RPS6KA2: variants seen among roughly 807,000 people sequenced by gnomAD.
RPS6KA2 encodes the protein ribosomal protein S6 kinase A2.
Under a neutral mutation model 91.8 loss-of-function variants are expected in RPS6KA2, and 42 were observed. The ratio of observed to expected loss-of-function variants is 0.46; its 90% CI spans 0.36 to 0.59. The LOEUF (loss-of-function observed/expected upper bound fraction) is 0.59. Among genes scored for constraint, RPS6KA2 ranks in the 20% least tolerant of loss-of-function variants. The probability of loss-of-function intolerance (pLI) is 0.00; values close to 1 mark genes in which losing one functional copy is unlikely to be tolerated. For missense variants in RPS6KA2, 798 were observed against 978.5 expected (o/e 0.82, Z 2.46); for synonymous variants, 414 against 393.6 (o/e 1.05, Z -0.61).
At chr6:166,624,790 A>G (rs1159669526) in intron 1 of RPS6KA2, among the ~76,000 whole-genome samples, 1 of 152,228 alleles carries the variant, frequency 6.6e-6, no homozygotes, top group Non-Finnish European at 1.5e-5. Context: ...ATCAAATAAT[A>G]GAAAGCTGGG....
In RPS6KA2 at chr6:166,411,875, G is replaced by C. The variant is rs1477031429; in HGVS notation, c.*887C>G. On this transcript the variant is annotated 3_prime_UTR_variant, in exon 21 of 21. Transcript: ENST00000265678. The surrounding 1 kb of genome is among the most constrained non-coding windows in gnomAD (Gnocchi z 4.5). ...TGAACACAGCAAAACCACAGCTTTA[G>C]GTGAGCACACAGGAAGCCGACACAG... 1 of 152,318 alleles carries C rather than the reference G, an allele frequency of 6.6e-6. No homozygotes were observed. Among genetic ancestry groups the C allele is most frequent in the African/African-American group, 2.4e-5 (1 of 41,458 alleles). The allele number at this position is 152,318 out of a possible 1,614,324, so 9.4% of individuals were successfully genotyped here. A position where few individuals can be genotyped will look rare whatever the true frequency, so the allele number is the denominator to read the frequency against.
Position 166,499,403 on chromosome 6 carries a change from G to C in RPS6KA2, c.605-753C>G, listed in dbSNP as rs1039117369. On this transcript the variant is annotated intron_variant, in intron 7 of 20. Transcript: ENST00000265678. ...TGGGAATGGGCCACCTTATGTGGCA[G>C]AAGGGACTGATATGGTTTAGCTGAG... 7.2e-5 allele frequency among the ~76,000 whole-genome samples: 11 copies of C among 152,240 alleles called. No homozygotes were observed. In the East Asian group the frequency reaches 2.1e-3, roughly 29 times the overall value.
At chr6:166,754,281 C>T (rs1340620343) in intron 2 of RPS6KA2, among the ~76,000 whole-genome samples, 1 of 152,230 alleles carries the variant, frequency 6.6e-6, no homozygotes. Flanking sequence ...CAGGAGACAA[C>T]TGTCAGCGAA....
intron 2 of RPS6KA2, among the ~76,000 whole-genome samples, chr6:166,822,096 C>T (rs73788156): frequency 1.4e-4 from 21 of 152,210 alleles, no homozygotes; most frequent in Non-Finnish European, 2.8e-4. Flanking sequence ...GCTCCTCCCC[C>T]CTGCCCTGTC....
chr6:166,518,251 C>CAAAAAAAAAAAAAAAAAAAAA (rs11373431), intron 3 of RPS6KA2, among the ~76,000 whole-genome samples: 1 of 87,314 alleles, frequency 1.1e-5, no homozygotes, highest in Non-Finnish European at 2.1e-5. Flanking sequence ...AACACTGCCT[C>CAAAAAAAAAAAAAAAAAAAAA]AAAAAAAAAA....
rs1781689811 is a variant in RPS6KA2 at position 166,493,854 on chromosome 6, CA to C, written c.748-3114del. Among the ~76,000 whole-genome samples the C allele has an allele frequency of 6.6e-6, 1 of 152,148 alleles. No homozygotes were observed. The highest frequency in any genetic ancestry group is 1.5e-5 in the Non-Finnish European group (1 of 68,032). On this transcript the variant is annotated intron_variant, in intron 8 of 20. Transcript: ENST00000265678. The surrounding 1 kb of genome is among the most constrained non-coding windows in gnomAD (Gnocchi z 4.7). ...GGGCGCCCCACAACAAGGAAGTGTC[CA>C]GTCCCGACCTCAACAGTGCTGGCTG...
At position 166,593,817 on chromosome 6, in the gene RPS6KA2, A is replaced by C. The variant is rs190646607; in HGVS notation, c.99+33104T>G. Among the ~76,000 whole-genome samples the C allele has an allele frequency of 4.8e-3, 728 of 152,340 alleles. 5 individuals carry two copies. The highest frequency in any genetic ancestry group is 8.4e-3 in the Admixed American group (129 of 15,302). On this transcript the variant is annotated intron_variant, in intron 1 of 20. Transcript: ENST00000265678. Reference sequence around the variant, plus strand: ...ACAAACTTCAAACTCACTAATACTTAAAATGTATATTTTTAATGTGTCAAA... The same window carrying C: ...ACAAACTTCAAACTCACTAATACTTCAAATGTATATTTTTAATGTGTCAAA...
chr6:166,817,847 C>T (rs1462923445), intron 2 of RPS6KA2, among the ~76,000 whole-genome samples: 5 of 152,062 alleles, frequency 3.3e-5, no homozygotes, highest in East Asian at 1.9e-4. Flanking sequence ...TTCAGCCTCC[C>T]GAGTAGCTGG....
chr6:166,738,528 G>C (rs1023178067), intron 2 of RPS6KA2, among the ~76,000 whole-genome samples: 3 of 152,204 alleles, frequency 2.0e-5, no homozygotes, highest in African/African-American at 7.2e-5. Context: ...ACACTCACAA[G>C]GAGATTGCAC....
chr6:166,843,602 G>A (rs1012820185), intron 2 of RPS6KA2, among the ~76,000 whole-genome samples: 43 of 152,188 alleles, frequency 2.8e-4, no homozygotes, highest in African/African-American at 1.0e-3. Context: ...AGGACTCTTT[G>A]CAGACGTTCC....
In RPS6KA2 at chr6:166,459,473, C is replaced by T. The variant is rs1330601345; in HGVS notation, c.1051G>A (p.Glu351Lys). 6.2e-6 allele frequency: 10 copies of T among 1,613,922 alleles called. No homozygotes were observed. The highest frequency in any genetic ancestry group is 1.3e-5 in the African/African-American group (1 of 74,908). The change falls in exon 12 of 21, where the codon GAG (glutamate) becomes AAG (lysine). Residue 351 changes from glutamate to lysine, a missense_variant. Glu to Lys is a moderately conservative substitution (Grantham distance 56). Coordinates refer to ENST00000265678, the MANE Select transcript of RPS6KA2 (RefSeq NM_021135.6). This position sits in a 1 kb window ranked among gnomAD's most constrained non-coding sequence, Gnocchi z 4.9. ...CCTGTGGGCGTCCGCGCTGTGAACT[C>T]GGGGTCAAAGTGGAAGGTGTCCTCA... is the stretch of plus-strand genomic sequence containing the variant. Reference protein sequence around the residue: ...RPEDTFHFDPEFTARTPTDSP... With the variant: ...RPEDTFHFDPKFTARTPTDSP...
chr6:166,839,244 A>T (rs555511313), intron 2 of RPS6KA2, among the ~76,000 whole-genome samples: 4 of 152,174 alleles, frequency 2.6e-5, no homozygotes, highest in Admixed American at 2.6e-4. Flanking sequence ...TCCTGTAATT[A>T]GCTGGTTATG....
At chr6:166,654,319 C>G (rs1787943687) in intron 2 of RPS6KA2, among the ~76,000 whole-genome samples, 1 of 152,140 alleles carries the variant, frequency 6.6e-6, no homozygotes, top group African/African-American at 2.4e-5. Flanking sequence ...TGCTTCACAT[C>G]TAGTAATGAA....
rs371470050 is a variant in RPS6KA2, at chr6:166,554,375, T to C, written c.100-15591A>G. Among the ~76,000 whole-genome samples, 13 of 152,374 alleles carry C rather than the reference T, an allele frequency of 8.5e-5. No homozygotes were observed. In the East Asian group the frequency reaches 2.5e-3, roughly 29 times the overall value. On this transcript the variant is annotated intron_variant, in intron 1 of 20. Transcript: ENST00000265678. The surrounding 1 kb of genome is among the most constrained non-coding windows in gnomAD (Gnocchi z 4.3). Reference sequence around the variant, plus strand: ...GCCAGTTTTATGAAGCTGAATGTGATATAAAGCTTAACCTGCCTCCTTTTG... The same window carrying C: ...GCCAGTTTTATGAAGCTGAATGTGACATAAAGCTTAACCTGCCTCCTTTTG...
intron 2 of RPS6KA2, among the ~76,000 whole-genome samples, chr6:166,818,577 GC>G (rs1188097837): frequency 1.3e-5 from 2 of 152,168 alleles, no homozygotes; most frequent in East Asian, 3.8e-4. Flanking sequence ...GGGATGTGAT[GC>G]TTTCGGGCTG....
intron 2 of RPS6KA2, among the ~76,000 whole-genome samples, chr6:166,681,151 G>A (rs1445147293): frequency 6.6e-6 from 1 of 152,202 alleles, no homozygotes; most frequent in Admixed American, 6.5e-5. Context: ...TAGCCACAAC[G>A]TGTCCACCCC....
intron 2 of RPS6KA2, among the ~76,000 whole-genome samples, chr6:166,723,573 GA>G (rs2128585741): frequency 6.6e-6 from 1 of 152,308 alleles, no homozygotes; most frequent in South Asian, 2.1e-4. Context: ...AATACAAACA[GA>G]AGCGAGGGCA....
In RPS6KA2 at chr6:166,550,807, C is replaced by G. The variant is rs559087351; in HGVS notation, c.100-12023G>C. On this transcript the variant is annotated intron_variant, in intron 1 of 20. Coordinates refer to ENST00000265678, the MANE Select transcript of RPS6KA2 (RefSeq NM_021135.6). Reference sequence around the variant, plus strand: ...CACAAGGTCAGGAGATCGACACCATCCTGGCTAACACGGTGAAACCCCGTC... The same window carrying G: ...CACAAGGTCAGGAGATCGACACCATGCTGGCTAACACGGTGAAACCCCGTC... Among the ~76,000 whole-genome samples the G allele has an allele frequency of 3.0e-3, 461 of 152,058 alleles. 4 individuals carry two copies. The highest frequency in any genetic ancestry group is 5.6e-3 in the Non-Finnish European group (381 of 67,970).
intron 1 of RPS6KA2, among the ~76,000 whole-genome samples, chr6:166,610,066 G>T (rs894731787): frequency 6.6e-6 from 1 of 151,662 alleles, no homozygotes; most frequent in Non-Finnish European, 1.5e-5. Flanking sequence ...TTGCTATTTA[G>T]TTCAACATGA....
Sources: allele counts gnomAD v4.1 joint callset (sites outside exome capture counted in the v4.1 genomes callset), GRCh38; gene constraint gnomAD v4.1.1; non-coding constraint Gnocchi (gnomAD v3.1); transcripts MANE v1.5; gene names NCBI Gene and HGNC (gene_info 2026-07-23, HGNC 2026-07-21).